Variants in CDK17 observed in about 807,000 individuals in gnomAD.
The protein encoded by CDK17 is cyclin-dependent kinase 17.
CDK17 carries 24 observed loss-of-function variants against 77.6 expected under a neutral mutation model. That is an observed-to-expected ratio of 0.31 (90% CI 0.22 to 0.44). CDK17 has a LOEUF of 0.44. CDK17 is among the 20% of genes least tolerant of loss of function. The probability of loss-of-function intolerance (pLI) is 1.00; values close to 1 mark genes in which losing one functional copy is unlikely to be tolerated. For missense variants in CDK17, 429 were observed against 622.5 expected (o/e 0.69, Z 3.31); for synonymous variants, 203 against 210.4 (o/e 0.96, Z 0.30).
intron 1 of CDK17, among the ~76,000 whole-genome samples, chr12:96,362,247 G>A (rs927366536): frequency 6.6e-6 from 1 of 151,712 alleles, no homozygotes; most frequent in African/African-American, 2.4e-5. Context: ...TTGAGACAGA[G>A]TATCACTGTC....
intron 11 of CDK17, among the ~76,000 whole-genome samples, chr12:96,288,348 G>A (rs997333884): frequency 2.0e-5 from 3 of 152,068 alleles, no homozygotes; most frequent in African/African-American, 7.2e-5. Flanking sequence ...TGCCAACAGA[G>A]GCTAGAGTAT....
At chr12:96,385,567 A>C (rs530872118) in intron 1 of CDK17, among the ~76,000 whole-genome samples, 2 of 152,336 alleles carry the variant, frequency 1.3e-5, no homozygotes, top group African/African-American at 4.8e-5. Context: ...AATAATTATC[A>C]AACAACATGA....
At chr12:96,398,093 T>G (rs991949557) in intron 1 of CDK17, among the ~76,000 whole-genome samples, 1 of 152,132 alleles carries the variant, frequency 6.6e-6, no homozygotes, top group African/African-American at 2.4e-5. Flanking sequence ...TAATAACCTA[T>G]ATTTGCATAG....
intron 1 of CDK17, among the ~76,000 whole-genome samples, chr12:96,342,197 A>G (rs1399152291): frequency 1.3e-5 from 2 of 152,260 alleles, no homozygotes; most frequent in Non-Finnish European, 2.9e-5. Context: ...GACTATAAAT[A>G]AAAACTACTG....
chr12:96,400,264 C>T lies in CDK17; in HGVS notation c.-308G>A, dbSNP rs1472602136. On this transcript the variant is annotated 5_prime_UTR_variant, in exon 1 of 17. Transcript: ENST00000261211. The stretch of plus-strand genomic sequence containing the variant: ...AGCCGCGCGGACGGCCCACTAATCC[C>T]CTCGGAGCAGCCGGGCGCGAGCGCG... 3 of 392,984 alleles carry T rather than the reference C, an allele frequency of 7.6e-6. No homozygotes were observed. In the Admixed American group the frequency reaches 1.3e-4, roughly 17 times the overall value. The allele number at this position is 392,984 out of a possible 1,614,324, so 24.3% of individuals were successfully genotyped here. A position where few individuals can be genotyped will look rare whatever the true frequency, so the allele number is the denominator to read the frequency against.
intron 1 of CDK17, among the ~76,000 whole-genome samples, chr12:96,391,461 T>TTG (rs1555208281): frequency 1.8e-5 from 2 of 113,262 alleles, no homozygotes; most frequent in African/African-American, 4.3e-5. Context: ...GGCTAATTTT[T>TTG]TGTATTTTTA....
At chr12:96,344,762 A>G (rs1258174330) in intron 1 of CDK17, among the ~76,000 whole-genome samples, 1 of 152,220 alleles carries the variant, frequency 6.6e-6, no homozygotes, top group East Asian at 1.9e-4. Flanking sequence ...TAATTATAAA[A>G]GAGAGTATTA....
At chr12:96,394,386 G>A (rs1304257597) in intron 1 of CDK17, among the ~76,000 whole-genome samples, 4 of 152,134 alleles carry the variant, frequency 2.6e-5, no homozygotes, top group Non-Finnish European at 5.9e-5. Context: ...GTTAGTAACT[G>A]AACTAGAATA....
At chr12:96,295,839 G>A (rs1286687376) in intron 9 of CDK17, among the ~76,000 whole-genome samples, 1 of 152,158 alleles carries the variant, frequency 6.6e-6, no homozygotes, top group African/African-American at 2.4e-5. Flanking sequence ...AGTTTTTGCT[G>A]TACATTTTGG....
intron 1 of CDK17, among the ~76,000 whole-genome samples, chr12:96,360,002 C>T (rs1252878523): frequency 6.6e-6 from 1 of 152,026 alleles, no homozygotes; most frequent in African/African-American, 2.4e-5. Context: ...TTTAATTATA[C>T]TTAGGGGAAG....
chr12:96,374,698 T>C (rs1478114152), intron 1 of CDK17, among the ~76,000 whole-genome samples: 1 of 152,198 alleles, frequency 6.6e-6, no homozygotes. Context: ...AGGGGGGAAC[T>C]AATTTACTTC....
At chr12:96,341,360 G>A (rs538110475) in intron 1 of CDK17, among the ~76,000 whole-genome samples, 8 of 149,646 alleles carry the variant, frequency 5.3e-5, no homozygotes, top group Non-Finnish European at 7.4e-5. Flanking sequence ...ATATATGTAC[G>A]TGTGTGTACT....
In CDK17 at chr12:96,282,616, A is replaced by G. The variant is rs764448164; in HGVS notation, c.1366-17T>C. 6.5e-7 allele frequency: 1 copy of G among 1,531,322 alleles called. No individual in the cohort carries two copies. Among genetic ancestry groups the G allele is most frequent in the South Asian group, 1.1e-5 (1 of 88,354 alleles). The allele number at this position is 1,531,322 out of a possible 1,614,324, so 94.9% of individuals were successfully genotyped here. On this transcript the variant is annotated splice_polypyrimidine_tract_variant and intron_variant, in intron 14 of 16. Coordinates refer to ENST00000261211, the MANE Select transcript of CDK17 (RefSeq NM_002595.5). ...AGATTCATACTGTGAAAAAGCAAAG[A>G]ACTGCTTCATTAGCTTTTTCTCTAA...
In CDK17 at chr12:96,355,628, C is replaced by T. The variant is rs566299389; in HGVS notation, c.-29-20763G>A. Among the ~76,000 whole-genome samples the T allele has an allele frequency of 3.9e-5, 6 of 151,950 alleles. No homozygotes were observed. The South Asian group carries it at 1.2e-3, about 32-fold the overall frequency. On this transcript the variant is annotated intron_variant, in intron 1 of 16. Coordinates refer to ENST00000261211, the MANE Select transcript of CDK17 (RefSeq NM_002595.5). Reference sequence around the variant, plus strand: ...TCACCATGTTGGCGAGGATGGTCTCCGCCTCTTGACCTTGTGATCCGCCCA... The same window carrying T: ...TCACCATGTTGGCGAGGATGGTCTCTGCCTCTTGACCTTGTGATCCGCCCA...
chr12:96,351,575 G>GA (rs1326399936), intron 1 of CDK17, among the ~76,000 whole-genome samples: 2 of 152,166 alleles, frequency 1.3e-5, no homozygotes, highest in African/African-American at 4.8e-5. Context: ...CTACTTACAT[G>GA]AAAAAGCTCT....
In CDK17 at chr12:96,394,793, C is replaced by T. The variant is rs553494468; in HGVS notation, c.-30+5193G>A. On this transcript the variant is annotated intron_variant, in intron 1 of 16. Coordinates refer to ENST00000261211, the MANE Select transcript of CDK17 (RefSeq NM_002595.5). The stretch of plus-strand genomic sequence containing the variant: ...CCTGGGCCAACTGAGGGAGAGACTC[C>T]GTCTCAAAAAAAAAAAAAGAAAAAA... 2.8e-4 allele frequency among the ~76,000 whole-genome samples: 38 copies of T among 137,590 alleles called. No homozygotes were observed. The South Asian group carries it at 6.7e-3, about 24-fold the overall frequency. The allele number at this position is 137,590 out of a possible 152,430, so 90.3% of individuals were successfully genotyped here.
chr12:96,298,788 T>C, intron 7 of CDK17, 81 bp downstream of exon 7: 2 of 722,982 alleles, frequency 2.8e-6, no homozygotes, highest in African/African-American at 3.6e-5. Flanking sequence ...ATTACTTGTA[T>C]ATCTGAGCTC....
At chr12:96,299,451 C>T (rs969034788) in intron 6 of CDK17, among the ~76,000 whole-genome samples, 2 of 146,836 alleles carry the variant, frequency 1.4e-5, no homozygotes, top group African/African-American at 5.1e-5. Flanking sequence ...AGTGCAGTGG[C>T]ACAATCTTGG....
chr12:96,281,476 C>T (rs1267747523), intron 15 of CDK17, among the ~76,000 whole-genome samples: 1 of 152,218 alleles, frequency 6.6e-6, no homozygotes, highest in Non-Finnish European at 1.5e-5. Context: ...TCAAGCAGTT[C>T]TCCTGCCTCA....
Sources: allele counts gnomAD v4.1 joint callset (sites outside exome capture counted in the v4.1 genomes callset), GRCh38; gene constraint gnomAD v4.1.1; transcripts MANE v1.5; gene names NCBI Gene and HGNC (gene_info 2026-07-23, HGNC 2026-07-21).